Variants in CHRNA7 observed in about 807,000 individuals in gnomAD.
CHRNA7 encodes cholinergic receptor nicotinic alpha 7 subunit, also known as neuronal acetylcholine receptor subunit alpha-7.
Under a neutral mutation model 48.0 loss-of-function variants are expected in CHRNA7, and 17 were observed. That is an observed-to-expected ratio of 0.35 (90% CI 0.24 to 0.53). The LOEUF (loss-of-function observed/expected upper bound fraction) is 0.53. Ranked by LOEUF, CHRNA7 falls within the 20% of genes least tolerant of loss-of-function variation. The pLI, the probability that CHRNA7 is intolerant of heterozygous loss-of-function variation, is 0.92. For missense variants in CHRNA7, 155 were observed against 577.7 expected (o/e 0.27, Z 7.50); for synonymous variants, 75 against 242.3 (o/e 0.31, Z 6.41).
At chr15:32,080,411 A>G (rs2050198072) in intron 2 of CHRNA7, among the ~76,000 whole-genome samples, 1 of 152,218 alleles carries the variant, frequency 6.6e-6, no homozygotes, top group South Asian at 2.1e-4. Flanking sequence ...CAAAGGTCTA[A>G]TATCCAGAAT....
At chr15:32,099,823 G>C (rs1003298189) in intron 2 of CHRNA7, 2 of 152,228 alleles carry the variant, frequency 1.3e-5, no homozygotes, top group South Asian at 4.1e-4. Flanking sequence ...ACAGAGACAT[G>C]TTAGCTCTAC....
At chr15:32,150,055 T>C (rs894053474) in intron 4 of CHRNA7, among the ~76,000 whole-genome samples, 3 of 152,188 alleles carry the variant, frequency 2.0e-5, no homozygotes, top group Non-Finnish European at 4.4e-5. Context: ...TTTATGTTTT[T>C]ATTTTATTTT....
At chr15:32,066,286 T>A (rs2049965033) in intron 2 of CHRNA7, among the ~76,000 whole-genome samples, 2 of 49,900 alleles carry the variant, frequency 4.0e-5, no homozygotes, top group South Asian at 2.9e-3. Flanking sequence ...ATTATAGTAT[T>A]TTTTTTTTTT....
intron 2 of CHRNA7, among the ~76,000 whole-genome samples, chr15:32,044,707 G>A (rs995215218): frequency 6.6e-6 from 1 of 152,224 alleles, no homozygotes; most frequent in African/African-American, 2.4e-5. Context: ...TCTCCCCAGG[G>A]AATATTTGGC....
At chr15:32,071,544 C>T (rs1396190008) in intron 2 of CHRNA7, among the ~76,000 whole-genome samples, 1 of 152,044 alleles carries the variant, frequency 6.6e-6, no homozygotes, top group African/African-American at 2.4e-5. Context: ...AATGTGATCC[C>T]CAGTATTGGA....
chr15:32,032,027 A>G (rs1168330988), intron 2 of CHRNA7, among the ~76,000 whole-genome samples: 2 of 152,184 alleles, frequency 1.3e-5, no homozygotes, highest in African/African-American at 4.8e-5. Flanking sequence ...GCAAAGTGGA[A>G]AAAGGTAAGA....
intron 2 of CHRNA7, among the ~76,000 whole-genome samples, chr15:32,067,226 A>G (rs550900977): frequency 6.6e-6 from 1 of 152,358 alleles, no homozygotes; most frequent in South Asian, 2.1e-4. Flanking sequence ...ACCTAGATAC[A>G]TCATAATCAA....
At chr15:32,047,714 T>G (rs2141181394) in intron 2 of CHRNA7, among the ~76,000 whole-genome samples, 1 of 152,288 alleles carries the variant, frequency 6.6e-6, no homozygotes, top group Non-Finnish European at 1.5e-5. Flanking sequence ...CTATGTTGAA[T>G]AGGAGTGGTG....
At chr15:32,107,406 G>A (rs541478089) in intron 3 of CHRNA7, among the ~76,000 whole-genome samples, 1 of 151,242 alleles carries the variant, frequency 6.6e-6, no homozygotes, top group Non-Finnish European at 1.5e-5. Flanking sequence ...AAAATACTTT[G>A]CTTACTTAAT....
chr15:32,093,153 A>G (rs2050410158), intron 2 of CHRNA7, among the ~76,000 whole-genome samples: 1 of 152,156 alleles, frequency 6.6e-6, no homozygotes, highest in African/African-American at 2.4e-5. Context: ...TGCTCCACTC[A>G]GTATGCCGGA....
chr15:32,049,126 A>T (rs992387552), intron 2 of CHRNA7, among the ~76,000 whole-genome samples: 1 of 151,296 alleles, frequency 6.6e-6, no homozygotes, highest in African/African-American at 2.4e-5. Context: ...TATTCTGTTG[A>T]TTTGGGGTGG....
chr15:32,151,348 T>C (rs902834240), intron 4 of CHRNA7, among the ~76,000 whole-genome samples: 1 of 152,178 alleles, frequency 6.6e-6, no homozygotes, highest in South Asian at 2.1e-4. Flanking sequence ...CCAGGTTTAA[T>C]CTAAAAGTGT....
chr15:32,033,595 C>T (rs1210613713), intron 2 of CHRNA7, among the ~76,000 whole-genome samples: 2 of 152,204 alleles, frequency 1.3e-5, no homozygotes, highest in Non-Finnish European at 2.9e-5. Context: ...GCCGAAGTCT[C>T]TATCAGACAT....
At chr15:32,076,955 T>A (rs921278781) in intron 2 of CHRNA7, among the ~76,000 whole-genome samples, 1 of 152,184 alleles carries the variant, frequency 6.6e-6, no homozygotes, top group African/African-American at 2.4e-5. Flanking sequence ...ACCCAACTCT[T>A]GAAAACCCTT....
intron 4 of CHRNA7, among the ~76,000 whole-genome samples, chr15:32,135,541 G>A (rs1289821122): frequency 6.6e-6 from 1 of 152,220 alleles, no homozygotes; most frequent in East Asian, 1.9e-4. Flanking sequence ...TCCGCGCACA[G>A]TGGCAAAGCA....
intron 4 of CHRNA7, among the ~76,000 whole-genome samples, chr15:32,136,827 C>G (rs761912582): frequency 1.3e-4 from 20 of 150,850 alleles, no homozygotes; most frequent in Non-Finnish European, 2.5e-4. Context: ...GTCAGGAGAT[C>G]GAGACCATCC....
intron 4 of CHRNA7, among the ~76,000 whole-genome samples, chr15:32,151,995 C>T (rs2337980): frequency 0.44 from 67,401 of 152,056 alleles, 15,241 homozygotes; most frequent in African/African-American, 0.49. Flanking sequence ...GGTACTTTGA[C>T]TGGCTGCCTG....
At chr15:32,135,861 A>G (rs2051247360) in intron 4 of CHRNA7, among the ~76,000 whole-genome samples, 3 of 152,212 alleles carry the variant, frequency 2.0e-5, no homozygotes, top group South Asian at 4.1e-4. Context: ...AAGAGATGGC[A>G]ATTAGACTGA....
At chr15:32,136,705 A>G (rs1296482514) in intron 4 of CHRNA7, among the ~76,000 whole-genome samples, 4 of 151,952 alleles carry the variant, frequency 2.6e-5, no homozygotes, top group African/African-American at 9.7e-5. Flanking sequence ...TTTAACTTCC[A>G]AACAAGTAGG....
Sources: allele counts gnomAD v4.1 joint callset (sites outside exome capture counted in the v4.1 genomes callset), GRCh38; gene constraint gnomAD v4.1.1; transcripts MANE v1.5; gene names NCBI Gene and HGNC (gene_info 2026-07-23, HGNC 2026-07-21).